Variants in ACOX3 observed in about 807,000 individuals in gnomAD.
ACOX3 encodes peroxisomal acyl-coenzyme A oxidase 3.
A neutral mutation model predicts 81.5 loss-of-function variants in ACOX3; 73 were observed. That is an observed-to-expected ratio of 0.90 (90% CI 0.74 to 1.09). The LOEUF (loss-of-function observed/expected upper bound fraction) is 1.09, where lower values mean the gene tolerates loss of function less well. ACOX3 is among the 50% of genes least tolerant of loss of function. The pLI is 0.00. For synonymous variants in ACOX3, 387 were observed against 375.1 expected, an observed-to-expected ratio of 1.03 and a Z score of -0.37; for missense variants, 947 against 928.0, an observed-to-expected ratio of 1.02 and a Z score of -0.27.
chr4:8,394,673 C>T lies in ACOX3; in HGVS notation c.1126G>A (p.Asp376Asn). The change falls in exon 10 of 18, where the codon GAC (aspartate) becomes AAC (asparagine). Residue 376 changes from aspartate to asparagine, a missense_variant. Transcript: ENST00000356406. The surrounding 1 kb of genome is among the most constrained non-coding windows in gnomAD (Gnocchi z 5.9). The stretch of plus-strand genomic sequence containing the variant: ...AGTCCTCGCTGGAGCTCCACCAGGT[C>T]CAGGAAGAGCGACTTGGAGAAATGG... ...LDHFSKSLFL[D>N]LVELQRGLAS... The T allele has an allele frequency of 6.2e-7, 1 of 1,613,884 alleles. No individual in the cohort carries two copies. The highest frequency in any genetic ancestry group is 8.5e-7 in the Non-Finnish European group (1 of 1,180,012).
intron 1 of ACOX3, among the ~76,000 whole-genome samples, chr4:8,434,153 T>C (rs1171120934): frequency 6.6e-6 from 1 of 152,212 alleles, no homozygotes; most frequent in Non-Finnish European, 1.5e-5. Context: ...CTTTCTGTTC[T>C]GTTAGCTGAT....
chr4:8,375,250 G>A (rs1578860776), intron 14 of ACOX3, 98 bp from the exon 15 acceptor site: 4 of 1,226,246 alleles, frequency 3.3e-6, no homozygotes, highest in Admixed American at 2.6e-5. Flanking sequence ...GCGGGTCTGC[G>A]TTCCCGTGCA....
Position 8,394,126 on chromosome 4 carries a change from A to G in ACOX3, c.1179+494T>C, listed in dbSNP as rs1719395204. Reference sequence around the variant, plus strand: ...TCTTGCTCAGGAGGCAGCAGGAGGGACAATGGAAAATCAGTTCATAATCAT... The same window carrying G: ...TCTTGCTCAGGAGGCAGCAGGAGGGGCAATGGAAAATCAGTTCATAATCAT... On this transcript the variant is annotated intron_variant, in intron 10 of 17. Coordinates refer to ENST00000356406, the MANE Select transcript of ACOX3 (RefSeq NM_003501.3). This position sits in a 1 kb window ranked among gnomAD's most constrained non-coding sequence, Gnocchi z 5.9. Among the ~76,000 whole-genome samples the G allele has an allele frequency of 6.6e-6, 1 of 152,172 alleles. No homozygotes were observed. The highest frequency in any genetic ancestry group is 2.4e-5 in the African/African-American group (1 of 41,456).
At position 8,368,386 on chromosome 4, in the gene ACOX3, G is replaced by A. The variant is rs564772029; in HGVS notation, c.1984-1306C>T. Among the ~76,000 whole-genome samples, 1 of 152,368 alleles carries A rather than the reference G, an allele frequency of 6.6e-6. No individual in the cohort carries two copies. Among genetic ancestry groups the A allele is most frequent in the Admixed American group, 6.5e-5 (1 of 15,310 alleles). ...AGCAGACACTTCACCCGTGCAGGGT[G>A]GAAAGGGGCAGCCCAGACCATCTCC... On this transcript the variant is annotated intron_variant, in intron 17 of 17. Transcript: ENST00000356406. The surrounding 1 kb of genome is among the most constrained non-coding windows in gnomAD (Gnocchi z 5.9).
chr4:8,403,272 T>A (rs747677355), intron 7 of ACOX3, among the ~76,000 whole-genome samples: 7 of 152,226 alleles, frequency 4.6e-5, no homozygotes, highest in Non-Finnish European at 1.0e-4. Flanking sequence ...ATTATAATGC[T>A]GATCTTGGAA....
intron 1 of ACOX3, among the ~76,000 whole-genome samples, chr4:8,433,467 A>T (rs1219360316): frequency 6.6e-6 from 1 of 152,254 alleles, no homozygotes; most frequent in Non-Finnish European, 1.5e-5. Context: ...GAGCCTTTAG[A>T]ACTATGAGAG....
rs1717780627 is a variant in ACOX3 at position 8,382,394 on chromosome 4, C to G, written c.1538-787G>C. Among the ~76,000 whole-genome samples, 6 of 152,214 alleles carry G rather than the reference C, an allele frequency of 3.9e-5. No individual in the cohort carries two copies. On this transcript the variant is annotated intron_variant, in intron 13 of 17. Coordinates refer to ENST00000356406, the MANE Select transcript of ACOX3 (RefSeq NM_003501.3). This position sits in a 1 kb window ranked among gnomAD's most constrained non-coding sequence, Gnocchi z 4.1. Reference sequence around the variant, plus strand: ...GAGACCCCACCAGGCTGTACTGCTACTACCCCACTGATGAGGACACGGGCC... The same window carrying G: ...GAGACCCCACCAGGCTGTACTGCTAGTACCCCACTGATGAGGACACGGGCC...
At position 8,430,920 on chromosome 4, in the gene ACOX3, G is replaced by A. The variant is rs547235850; in HGVS notation, c.-15+9728C>T. Among the ~76,000 whole-genome samples the A allele has an allele frequency of 2.4e-4, 36 of 152,284 alleles. No homozygotes were observed. Among genetic ancestry groups the A allele is most frequent in the African/African-American group, 8.4e-4 (35 of 41,564 alleles). ...ATTTGGGTCCATTGCAGGAGTGAGA[G>A]GGAGAGGGAAGCCATTTCTAGGTAG... On this transcript the variant is annotated intron_variant, in intron 1 of 17. Transcript: ENST00000356406. The surrounding 1 kb of genome is among the most constrained non-coding windows in gnomAD (Gnocchi z 5.2).
intron 15 of ACOX3, 130 bp from the exon 16 acceptor site, chr4:8,373,758 A>G: frequency 1.3e-6 from 1 of 774,842 alleles, no homozygotes; most frequent in Non-Finnish European, 2.2e-6. Context: ...CATCAGTGTC[A>G]TTGCTGTCCC....
At position 8,406,042 on chromosome 4, in the gene ACOX3, A is replaced by G; in HGVS notation, c.689T>C (p.Ile230Thr). 1 of 1,613,960 alleles carries G rather than the reference A, an allele frequency of 6.2e-7. No individual in the cohort carries two copies. Among genetic ancestry groups the G allele is most frequent in the Non-Finnish European group, 8.5e-7 (1 of 1,179,958 alleles). ...CHGLHPFIVQ[I>T]RDPKTLLPMP... ...GGGAAGAAGGGTCTTCGGGTCCCGG[A>G]TCTATACAAAGCCACAGAAAGCAGC... The change falls in exon 7 of 18, where the codon ATC (isoleucine) becomes ACC (threonine). Residue 230 changes from isoleucine to threonine, a missense_variant and splice_region_variant. Transcript: ENST00000356406. This position sits in a 1 kb window ranked among gnomAD's most constrained non-coding sequence, Gnocchi z 5.6.
intron 1 of ACOX3, 72 bp downstream of exon 1, chr4:8,440,576 T>C (rs1724564503): frequency 2.2e-6 from 1 of 455,594 alleles, no homozygotes; most frequent in African/African-American, 2.0e-5. Context: ...GGCTGGCTGA[T>C]GTTTGATTCT....
intron 1 of ACOX3, chr4:8,439,384 G>T (rs951154726): frequency 1.3e-5 from 2 of 152,198 alleles, no homozygotes; most frequent in African/African-American, 2.4e-5. Flanking sequence ...TATTTGCTCA[G>T]CTGGCTGAAA....
intron 9 of ACOX3, among the ~76,000 whole-genome samples, chr4:8,396,267 GA>G (rs1719676399): frequency 6.6e-6 from 1 of 152,210 alleles, no homozygotes; most frequent in Admixed American, 6.5e-5. Context: ...TTAGGGATGG[GA>G]TGAAAGTGTC....
Position 8,389,569 on chromosome 4 carries a change from A to T in ACOX3, c.1423+43T>A. ...GGCCAGGAGAACCCACCCCTGCCCC[A>T]GTTGGGTTCCAGCGCCCCCACCAGT... On this transcript the variant is annotated intron_variant, in intron 12 of 17. Coordinates refer to ENST00000356406, the MANE Select transcript of ACOX3 (RefSeq NM_003501.3). The surrounding 1 kb of genome is among the most constrained non-coding windows in gnomAD (Gnocchi z 5.3). The T allele has an allele frequency of 6.2e-7, 1 of 1,611,948 alleles. No individual in the cohort carries two copies. Among genetic ancestry groups the T allele is most frequent in the Non-Finnish European group, 8.5e-7 (1 of 1,179,508 alleles).
chr4:8,364,494 G>A (rs577050965), downstream of ACOX3, among the ~76,000 whole-genome samples: 2 of 93,974 alleles, frequency 2.1e-5, no homozygotes, highest in African/African-American at 4.5e-5. The surrounding 1 kb of genome is among the most constrained non-coding windows in gnomAD (Gnocchi z 5.0). Flanking sequence ...AGAACCCGTC[G>A]TGTCTGACAT....
At chr4:8,402,299 G>T (rs1295158576) in intron 7 of ACOX3, among the ~76,000 whole-genome samples, 1 of 152,244 alleles carries the variant, frequency 6.6e-6, no homozygotes, top group Non-Finnish European at 1.5e-5. Context: ...TGCAGGAAGT[G>T]AAGGGCAGCG....
rs746833289 is a variant in ACOX3, at chr4:8,396,950, T to C, written c.1043A>G (p.Glu348Gly). Residue 348 changes from glutamate (E) to glycine (G), a missense_variant, in exon 9 of 18, where the codon GAG becomes GGG. Transcript: ENST00000356406. ...PTEEEEIPVLEYPMQQWRLLP... is the reference protein window; with the variant it reads ...PTEEEEIPVLGYPMQQWRLLP... Reference sequence around the variant, plus strand: ...AAAACCTCATACCTGCATTGGATACTCAAGCACTGGTATTTCCTCCTCCTC... The same window carrying C: ...AAAACCTCATACCTGCATTGGATACCCAAGCACTGGTATTTCCTCCTCCTC... 3 of 1,611,928 alleles carry C rather than the reference T, an allele frequency of 1.9e-6. No homozygotes were observed. The highest frequency in any genetic ancestry group is 2.5e-6 in the Non-Finnish European group (3 of 1,179,362).
rs77919585 is a variant in ACOX3, at chr4:8,386,909, C to T, written c.1537+2264G>A. Among the ~76,000 whole-genome samples the T allele has an allele frequency of 3.6e-4, 55 of 152,362 alleles. No homozygotes were observed. Among genetic ancestry groups the T allele is most frequent in the African/African-American group, 1.3e-3 (54 of 41,586 alleles). On this transcript the variant is annotated intron_variant, in intron 13 of 17. Coordinates refer to ENST00000356406, the MANE Select transcript of ACOX3 (RefSeq NM_003501.3). The surrounding 1 kb of genome is among the most constrained non-coding windows in gnomAD (Gnocchi z 5.2). ...AGGACACACGCTCGGGGGCTGCTAT[C>T]ACATCCACGGCGTCGGTCCTGATGG...
chr4:8,410,582 G>A (rs1473655818), intron 5 of ACOX3, among the ~76,000 whole-genome samples: 2 of 152,138 alleles, frequency 1.3e-5, no homozygotes, highest in Middle Eastern at 3.2e-3. Context: ...AAAATACTCC[G>A]CAGGCTGGCA....
Sources: gnomAD v4.1 joint callset for allele counts (sites outside exome capture counted in the v4.1 genomes callset) on GRCh38, gnomAD v4.1.1 for gene constraint, Gnocchi (gnomAD v3.1) non-coding constraint, MANE v1.5 for transcripts, NCBI Gene and HGNC (gene_info 2026-07-23, HGNC 2026-07-21) for gene names.